Variants in BMAL1 observed in about 807,000 individuals in gnomAD.
The protein encoded by BMAL1 is basic helix-loop-helix ARNT like 1, also known as basic helix-loop-helix ARNT-like protein 1.
chr11:13,291,236 A>G, the BMAL1 span, among the ~76,000 whole-genome samples: 2 of 152,222 alleles, frequency 1.3e-5, no homozygotes, highest in African/African-American at 4.8e-5. Context: ...TGTGTAATTG[A>G]CAAGTAGTTT....
the BMAL1 span, among the ~76,000 whole-genome samples, chr11:13,291,805 G>GTACTCTGTATGATACAGAA: frequency 0.92 from 139,428 of 151,316 alleles, 64,714 homozygotes; most frequent in East Asian, 1. Flanking sequence ...TAATTGACGT[G>GTACTCTGTATGATACAGAA]TACTCTGTAT....
the BMAL1 span, among the ~76,000 whole-genome samples, chr11:13,277,294 G>A: frequency 6.6e-6 from 1 of 152,218 alleles, no homozygotes; most frequent in South Asian, 2.1e-4. Context: ...GAGGGGTGAG[G>A]GCGGGCGGCC....
At chr11:13,301,001 G>A in the BMAL1 span, among the ~76,000 whole-genome samples, 1 of 152,178 alleles carries the variant, frequency 6.6e-6, no homozygotes, top group Non-Finnish European at 1.5e-5. Flanking sequence ...GCAGTGGCGT[G>A]ATCTTGGCTC....
the BMAL1 span, among the ~76,000 whole-genome samples, chr11:13,360,685 G>T: frequency 6.6e-6 from 1 of 152,168 alleles, no homozygotes; most frequent in South Asian, 2.1e-4. Context: ...GTCAGGATTT[G>T]TTAAAAATAA....
the BMAL1 span, among the ~76,000 whole-genome samples, chr11:13,288,946 T>A: frequency 6.6e-6 from 1 of 152,124 alleles, no homozygotes; most frequent in African/African-American, 2.4e-5. Flanking sequence ...ACTATGGAAG[T>A]CGAATGTTTT....
At chr11:13,383,427 G>A in the BMAL1 span, among the ~76,000 whole-genome samples, 1 of 152,134 alleles carries the variant, frequency 6.6e-6, no homozygotes, top group Non-Finnish European at 1.5e-5. Context: ...CTAAAAGCAC[G>A]GTTGGGTAAA....
chr11:13,328,698 G>A, the BMAL1 span, among the ~76,000 whole-genome samples: 1 of 152,234 alleles, frequency 6.6e-6, no homozygotes, highest in African/African-American at 2.4e-5. Flanking sequence ...GATAAGATTA[G>A]TTGATATAAA....
the BMAL1 span, among the ~76,000 whole-genome samples, chr11:13,318,437 C>T: frequency 6.6e-6 from 1 of 150,558 alleles, no homozygotes; most frequent in Non-Finnish European, 1.5e-5. Context: ...TTAAATAATG[C>T]AGGATATAAA....
the BMAL1 span, among the ~76,000 whole-genome samples, chr11:13,382,497 C>T: frequency 6.6e-6 from 1 of 152,020 alleles, no homozygotes; most frequent in Non-Finnish European, 1.5e-5. Context: ...GCTTGGTGTC[C>T]CGTGACCCCC....
the BMAL1 span, chr11:13,354,190 TCC>T: frequency 8.2e-6 from 4 of 487,458 alleles, no homozygotes; most frequent in South Asian, 1.8e-5. Flanking sequence ...GCCCCGGGTC[TCC>T]CCCCCCGGCC....
chr11:13,354,361 C>T, the BMAL1 span: 20 of 1,613,872 alleles, frequency 1.2e-5, no homozygotes, highest in Admixed American at 8.3e-5. Flanking sequence ...TTCATGTCCC[C>T]GGGCCCCACC....
chr11:13,357,169 G>C, the BMAL1 span: 10 of 1,588,378 alleles, frequency 6.3e-6, no homozygotes, highest in South Asian at 1.1e-4. The surrounding 1 kb of genome is among the most constrained non-coding windows in gnomAD (Gnocchi z 4.8). Context: ...AGGAGGCTCT[G>C]CATGTTTGGT....
chr11:13,280,103 T>C, the BMAL1 span, among the ~76,000 whole-genome samples: 1 of 152,264 alleles, frequency 6.6e-6, no homozygotes, highest in Non-Finnish European at 1.5e-5. Context: ...AAATATTTAA[T>C]ACATTTGAAT....
chr11:13,375,838 T>C, the BMAL1 span: 4 of 1,395,936 alleles, frequency 2.9e-6, no homozygotes, highest in Non-Finnish European at 2.9e-6. Flanking sequence ...GGAAATGGGG[T>C]GCAGGCAACA....
chr11:13,337,733 G>A, the BMAL1 span, among the ~76,000 whole-genome samples: 1 of 152,220 alleles, frequency 6.6e-6, no homozygotes, highest in African/African-American at 2.4e-5. Context: ...TTCATCTTTT[G>A]GGGTTTCCTA....
the BMAL1 span, among the ~76,000 whole-genome samples, chr11:13,370,916 T>C: frequency 1.3e-5 from 2 of 152,248 alleles, no homozygotes; most frequent in African/African-American, 4.8e-5. Flanking sequence ...CTTCTGCACA[T>C]GCTGTCGCTT....
At chr11:13,284,994 C>T in the BMAL1 span, among the ~76,000 whole-genome samples, 1 of 152,160 alleles carries the variant, frequency 6.6e-6, no homozygotes, top group East Asian at 1.9e-4. Context: ...CCTCACTTCA[C>T]ACTCTCCCTC....
At chr11:13,362,921 G>C in the BMAL1 span, among the ~76,000 whole-genome samples, 1 of 151,842 alleles carries the variant, frequency 6.6e-6, no homozygotes, top group Non-Finnish European at 1.5e-5. Flanking sequence ...AACTGGTCCT[G>C]ATTCCCATAC....
the BMAL1 span, among the ~76,000 whole-genome samples, chr11:13,336,050 A>G: frequency 6.6e-6 from 1 of 152,264 alleles, no homozygotes. Flanking sequence ...CAAATTAGCT[A>G]GAAAAATCCT....
Sources: allele counts gnomAD v4.1 joint callset (sites outside exome capture counted in the v4.1 genomes callset), GRCh38; gene constraint gnomAD v4.1.1; non-coding constraint Gnocchi (gnomAD v3.1); transcripts MANE v1.5; gene names NCBI Gene and HGNC (gene_info 2026-07-23, HGNC 2026-07-21).